HTATSF1: variants seen among roughly 807,000 people sequenced by gnomAD.
The protein encoded by HTATSF1 is 17S U2 SnRNP complex component HTATSF1.
In HTATSF1, 6 loss-of-function variants were observed where a neutral mutation model predicts 46.1. That is an observed-to-expected ratio of 0.13 (90% CI 0.07 to 0.26). HTATSF1 has a LOEUF of 0.26. Ranked by LOEUF, HTATSF1 falls within the 10% of genes least tolerant of loss-of-function variation. HTATSF1 has a pLI of 1.00. For synonymous variants in HTATSF1, 226 were observed against 211.5 expected (o/e 1.07, Z -0.60); for missense variants, 452 against 559.9 (o/e 0.81, Z 1.94).
chrX:136,511,947 A>G lies in HTATSF1; in HGVS notation c.2202A>G (p.Glu734=). ...CTTTGGGTGGTTTTGGGAGTGTTGA[A>G]GAAGGGCCCCTATCCACTGGCAGCA... The part of the protein sequence containing the change: ...RGTLGGFGSV[E]EGPLSTGSSF... The change falls in exon 9 of 9, where the codon GAA becomes GAG. Residue 734 remains glutamate, a synonymous_variant. Transcript: ENST00000218364. 8.3e-7 allele frequency: 1 copy of G among 1,211,371 alleles called. No homozygotes were observed. Among genetic ancestry groups the G allele is most frequent in the South Asian group, 1.8e-5 (1 of 56,936 alleles).
chrX:136,501,781 C>T (rs761719385), intron 4 of HTATSF1, among the ~76,000 whole-genome samples: 16 of 111,740 alleles, frequency 1.4e-4, no homozygotes, highest in Non-Finnish European at 3.0e-4. Flanking sequence ...GAATCTTAAA[C>T]GTGATGGTTA....
intron 3 of HTATSF1, 114 bp from the exon 4 acceptor site, chrX:136,500,550 T>C: frequency 3.9e-6 from 2 of 511,662 alleles, no homozygotes; most frequent in Non-Finnish European, 6.3e-6. Context: ...TTTACATACA[T>C]TTAGAAAATC....
At chrX:136,502,194 A>G (rs1371050366) in intron 4 of HTATSF1, among the ~76,000 whole-genome samples, 1 of 112,026 alleles carries the variant, frequency 8.9e-6, no homozygotes, top group African/African-American at 3.2e-5. Context: ...ATTGTCTTCT[A>G]CTTCTCAGTG....
rs770267327 is a variant in HTATSF1, at chrX:136,509,203, T to C, written c.924+23T>C. Reference sequence around the variant, plus strand: ...GATGTAAGTTCATGGCTTGGACATATGGATCCTAAAGCAATAATTCCTCCA... The same window carrying C: ...GATGTAAGTTCATGGCTTGGACATACGGATCCTAAAGCAATAATTCCTCCA... On this transcript the variant is annotated intron_variant, in intron 7 of 8. Transcript: ENST00000218364. 14 of 1,053,689 alleles carry C rather than the reference T, an allele frequency of 1.3e-5. No individual in the cohort carries two copies. In the East Asian group the frequency reaches 3.3e-4, roughly 25 times the overall value. The allele number at this position is 1,053,689 out of a possible 1,213,427, so 86.8% of individuals were successfully genotyped here.
At chrX:136,500,301 A>G (rs1219331909) in intron 3 of HTATSF1, 96 bp downstream of exon 3, 1 of 579,328 alleles carries the variant, frequency 1.7e-6, no homozygotes, top group Non-Finnish European at 2.9e-6. Context: ...TCCAGAGTCC[A>G]TTTTTTATCA....
chrX:136,502,900 G>T lies in HTATSF1; in HGVS notation c.693G>T (p.Lys231Asn), dbSNP rs761171241. The change falls in exon 5 of 9, where the codon AAG (lysine) becomes AAT (asparagine). Residue 231 changes from lysine (K) to asparagine (N), a missense_variant. Physicochemically the swap from Lys to Asn is moderately conservative, Grantham distance 94 (BLOSUM62 0). Coordinates refer to ENST00000218364, the MANE Select transcript of HTATSF1 (RefSeq NM_014500.5). ...AATATGATGCCTCAAAGAAGAAGAAGAAGTGCAAAGACTATAAGAAGAAGC... is the reference window on the plus strand; with the variant it reads ...AATATGATGCCTCAAAGAAGAAGAATAAGTGCAAAGACTATAAGAAGAAGC... ...KGEYDASKKK[K>N]KCKDYKKKLS... 3 of 1,152,441 alleles carry T rather than the reference G, an allele frequency of 2.6e-6. No homozygotes were observed. The highest frequency in any genetic ancestry group is 2.4e-4 in the Middle Eastern group (1 of 4,169). The allele number at this position is 1,152,441 out of a possible 1,213,427, so 95.0% of individuals were successfully genotyped here.
rs371602908 is a variant in HTATSF1, at chrX:136,500,246, T to A, written c.415+41T>A. 8 of 847,980 alleles carry A rather than the reference T, an allele frequency of 9.4e-6. No individual in the cohort carries two copies. The African/African-American group carries it at 1.7e-4, about 17-fold the overall frequency. 69.9% of individuals were successfully genotyped at this position (847,980 alleles called of 1,213,427 possible). ...TAAACAGGTTTAAGGTAGGAAATAC[T>A]TAATTTTGAGATTTTTCACGAAGTG... is the stretch of plus-strand genomic sequence containing the variant. On this transcript the variant is annotated intron_variant, in intron 3 of 8. Coordinates refer to ENST00000218364, the MANE Select transcript of HTATSF1 (RefSeq NM_014500.5).
intron 6 of HTATSF1, among the ~76,000 whole-genome samples, chrX:136,507,950 C>T (rs1300509460): frequency 8.9e-6 from 1 of 112,140 alleles, no homozygotes; most frequent in Non-Finnish European, 1.9e-5. Context: ...CAGGTCTGAT[C>T]ATTTTGTATA....
At chrX:136,500,398 A>C (rs1054669826) in intron 3 of HTATSF1, among the ~76,000 whole-genome samples, 193 bp downstream of exon 3, 4 of 112,203 alleles carry the variant, frequency 3.6e-5, no homozygotes, top group African/African-American at 9.7e-5. Flanking sequence ...GTAACTTTGC[A>C]TACCAACCTT....
Position 136,507,678 on chromosome X carries a change from GT to G in HTATSF1, c.835-1403del, listed in dbSNP as rs1273621244. Among the ~76,000 whole-genome samples the G allele has an allele frequency of 6.5e-5, 7 of 107,981 alleles. No individual in the cohort carries two copies. The East Asian group carries it at 8.5e-4, about 13-fold the overall frequency. 93.8% of individuals were successfully genotyped at this position (107,981 alleles called of 115,157 possible). A position where few individuals can be genotyped will look rare whatever the true frequency, so the allele number is the denominator to read the frequency against. On this transcript the variant is annotated intron_variant, in intron 6 of 8. Coordinates refer to ENST00000218364, the MANE Select transcript of HTATSF1 (RefSeq NM_014500.5). ...AAAAGTTGTTAAACATGTTGACACA[GT>G]TTTTTTTTTGTTTTTGATATAATCC...
At chrX:136,505,117 G>T (rs1227685635) in intron 6 of HTATSF1, among the ~76,000 whole-genome samples, 1 of 112,039 alleles carries the variant, frequency 8.9e-6, no homozygotes, top group Non-Finnish European at 1.9e-5. Flanking sequence ...TGACTTTATT[G>T]TTGTGGAGAA....
At chrX:136,499,275 TAGTC>T (rs2075706437) in intron 1 of HTATSF1, among the ~76,000 whole-genome samples, 1 of 112,453 alleles carries the variant, frequency 8.9e-6, no homozygotes, top group Non-Finnish European at 1.9e-5. Flanking sequence ...TTTGTAGCCT[TAGTC>T]AAGTAGTGTA....
chrX:136,503,398 CTGTT>C (rs1177449958), intron 5 of HTATSF1, among the ~76,000 whole-genome samples: 2 of 111,810 alleles, frequency 1.8e-5, no homozygotes, highest in Non-Finnish European at 3.8e-5. Flanking sequence ...TATTATTATT[CTGTT>C]TGTTTAATAT....
intron 6 of HTATSF1, among the ~76,000 whole-genome samples, chrX:136,506,215 C>G (rs1008905945): frequency 8.9e-6 from 1 of 111,970 alleles, no homozygotes; most frequent in African/African-American, 3.3e-5. Flanking sequence ...CACATTTATT[C>G]TACCTTGACC....
chrX:136,500,904 A>T, intron 4 of HTATSF1, 86 bp downstream of exon 4: 1 of 622,261 alleles, frequency 1.6e-6, no homozygotes, highest in Non-Finnish European at 2.3e-6. Flanking sequence ...GATAACCAAC[A>T]CCAAGAACTG....
intron 4 of HTATSF1, 128 bp from the exon 5 acceptor site, chrX:136,502,650 C>T (rs1197823074): frequency 7.7e-6 from 2 of 260,894 alleles, no homozygotes; most frequent in South Asian, 2.2e-4. Context: ...AGAACGAGAT[C>T]TCGTATATTC....
chrX:136,504,388 G>T lies in HTATSF1; in HGVS notation c.759G>T (p.Arg253Ser). The change falls in exon 6 of 9, where the codon AGG becomes AGT. Residue 253 changes from arginine (R) to serine (S), a missense_variant. This residue lies in a region of HTATSF1 where 117 missense variants were observed against 222.2 expected (regional missense o/e 0.53). Transcript: ENST00000218364. The stretch of plus-strand genomic sequence containing the variant: ...GGCAGTTGGATTGGAGACCTGAGAG[G>T]CGAGCCGGACCATCCCGGATGCGCC... ...QQKQLDWRPE[R>S]RAGPSRMRHE... The T allele has an allele frequency of 8.3e-7, 1 of 1,209,964 alleles. No individual in the cohort carries two copies. The highest frequency in any genetic ancestry group is 1.1e-6 in the Non-Finnish European group (1 of 894,375).
At chrX:136,504,224 A>G (rs2075732052) in intron 5 of HTATSF1, 140 bp from the exon 6 acceptor site, 1 of 434,299 alleles carries the variant, frequency 2.3e-6, no homozygotes, top group Admixed American at 4.8e-5. Context: ...TATGACTGAA[A>G]TACAGTTTGT....
chrX:136,503,494 A>T (rs1311372432), intron 5 of HTATSF1, among the ~76,000 whole-genome samples: 1 of 112,237 alleles, frequency 8.9e-6, no homozygotes, highest in Non-Finnish European at 1.9e-5. Flanking sequence ...CACTTCTAAC[A>T]CCATGCTTAA....
Sources: allele counts gnomAD v4.1 joint callset (sites outside exome capture counted in the v4.1 genomes callset), GRCh38; gene constraint gnomAD v4.1.1; regional missense constraint gnomAD v4.1.1; transcripts MANE v1.5; gene names NCBI Gene and HGNC (gene_info 2026-07-23, HGNC 2026-07-21).